Variants in ELP4 observed in about 807,000 individuals in gnomAD.
ELP4 encodes the protein elongator complex protein 4.
ELP4 carries 51 observed loss-of-function variants against 48.9 expected under a neutral mutation model. The ratio of observed to expected loss-of-function variants is 1.04; its 90% CI spans 0.83 to 1.32. The LOEUF (loss-of-function observed/expected upper bound fraction) is 1.32. Among genes scored for constraint, ELP4 ranks in the 40% most tolerant of loss-of-function variants. The probability of loss-of-function intolerance (pLI) is 0.00; values close to 1 mark genes in which losing one functional copy is unlikely to be tolerated. For missense variants in ELP4, 519 were observed against 514.6 expected, an observed-to-expected ratio of 1.01 and a Z score of -0.08; for synonymous variants, 210 against 189.2, an observed-to-expected ratio of 1.11 and a Z score of -0.90.
At chr11:31,749,895 G>A (rs891873526) in intron 9 of ELP4, among the ~76,000 whole-genome samples, 5 of 146,402 alleles carry the variant, frequency 3.4e-5, no homozygotes, top group Non-Finnish European at 5.9e-5. Context: ...TCGCTCTGTC[G>A]CCCAGGCTGG....
intron 9 of ELP4, among the ~76,000 whole-genome samples, chr11:31,737,941 T>G (rs1031250275): frequency 6.6e-6 from 1 of 152,066 alleles, no homozygotes; most frequent in African/African-American, 2.4e-5. Context: ...TTCTGGCTAT[T>G]TATGCAAAAG....
intron 2 of ELP4, among the ~76,000 whole-genome samples, chr11:31,536,316 A>C (rs1342253731): frequency 2.0e-5 from 3 of 151,996 alleles, no homozygotes; most frequent in Admixed American, 6.6e-5. Context: ...GTGTTTGTTT[A>C]ACTTTTTTGG....
At chr11:31,756,519 T>C (rs1340611039) in intron 9 of ELP4, among the ~76,000 whole-genome samples, 1 of 152,208 alleles carries the variant, frequency 6.6e-6, no homozygotes, top group African/African-American at 2.4e-5. Context: ...ACTGGAGCAG[T>C]ACCTTCTCCT....
chr11:31,683,622 A>G (rs1328874919), intron 9 of ELP4, among the ~76,000 whole-genome samples: 2 of 152,196 alleles, frequency 1.3e-5, no homozygotes, highest in African/African-American at 4.8e-5. Context: ...TCTAGATGAA[A>G]TAAAATTATT....
intron 9 of ELP4, among the ~76,000 whole-genome samples, chr11:31,753,155 G>A (rs1461329865): frequency 6.6e-6 from 1 of 152,062 alleles, no homozygotes; most frequent in East Asian, 1.9e-4. Context: ...AATAATAATA[G>A]CTAATGATTA....
chr11:31,684,213 TC>T (rs1946114749), intron 9 of ELP4, among the ~76,000 whole-genome samples: 1 of 150,504 alleles, frequency 6.6e-6, no homozygotes, highest in Non-Finnish European at 1.5e-5. Context: ...AAAAAGATAA[TC>T]TTAAAAAAAA....
chr11:31,632,985 TTA>T (rs1465856674), intron 7 of ELP4: 1 of 152,108 alleles, frequency 6.6e-6, no homozygotes, highest in Non-Finnish European at 1.5e-5. Context: ...TCATATAATC[TTA>T]TATATCTAAT....
chr11:31,608,611 G>A (rs776287256), intron 5 of ELP4, among the ~76,000 whole-genome samples: 22 of 151,790 alleles, frequency 1.4e-4, no homozygotes, highest in Non-Finnish European at 2.6e-4. Flanking sequence ...GTCAGGGGCC[G>A]TACTAGCAGA....
intron 9 of ELP4, among the ~76,000 whole-genome samples, chr11:31,743,559 A>T (rs1947508355): frequency 6.6e-6 from 1 of 152,376 alleles, no homozygotes; most frequent in African/African-American, 2.4e-5. Flanking sequence ...CTCAGACCAC[A>T]GTGCAATAAA....
At chr11:31,749,333 G>C (rs773919779) in intron 9 of ELP4, among the ~76,000 whole-genome samples, 1 of 152,188 alleles carries the variant, frequency 6.6e-6, no homozygotes, top group African/African-American at 2.4e-5. Flanking sequence ...AAAGAGACAC[G>C]TAAAAGTCCC....
intron 5 of ELP4, among the ~76,000 whole-genome samples, chr11:31,626,327 T>C (rs1944743308): frequency 6.6e-6 from 1 of 151,832 alleles, no homozygotes. Context: ...GGCACTTCAA[T>C]GTCTATGGGA....
At chr11:31,740,758 G>A (rs566362223) in intron 9 of ELP4, among the ~76,000 whole-genome samples, 2 of 152,292 alleles carry the variant, frequency 1.3e-5, no homozygotes, top group South Asian at 4.2e-4. Context: ...AAATTTGGGG[G>A]AGGAGCCAAG....
intron 7 of ELP4, among the ~76,000 whole-genome samples, chr11:31,636,132 T>C (rs1270044850): frequency 6.6e-6 from 1 of 151,914 alleles, no homozygotes; most frequent in African/African-American, 2.4e-5. Context: ...TAGGCACCCA[T>C]AGGGATACAG....
intron 1 of ELP4, chr11:31,511,324 A>G (rs761165528): frequency 2.0e-5 from 3 of 152,158 alleles, no homozygotes; most frequent in Admixed American, 6.5e-5. Flanking sequence ...TAGGCCTTAT[A>G]TATTTTTTAA....
intron 9 of ELP4, among the ~76,000 whole-genome samples, chr11:31,725,939 T>G (rs758054700): frequency 6.6e-5 from 10 of 152,220 alleles, no homozygotes; most frequent in Non-Finnish European, 1.5e-4. Context: ...CTTGAGAAAT[T>G]CTTGACACAC....
At chr11:31,519,692 G>A (rs968581231) in intron 1 of ELP4, among the ~76,000 whole-genome samples, 1 of 152,152 alleles carries the variant, frequency 6.6e-6, no homozygotes, top group Non-Finnish European at 1.5e-5. Context: ...AGGCGTGGTA[G>A]TGGGCACCTG....
intron 3 of ELP4, among the ~76,000 whole-genome samples, chr11:31,542,130 T>C (rs1460693771): frequency 6.6e-6 from 1 of 152,162 alleles, no homozygotes; most frequent in Non-Finnish European, 1.5e-5. Flanking sequence ...TTCGAAACAC[T>C]TGGCATCAGA....
intron 3 of ELP4, among the ~76,000 whole-genome samples, chr11:31,576,913 C>G (rs1451219750): frequency 3.9e-5 from 6 of 152,100 alleles, no homozygotes; most frequent in Admixed American, 3.3e-4. Context: ...CATTCAAAAG[C>G]TAGCAGAAGG....
At chr11:31,632,623 G>T (rs1379448354) in intron 7 of ELP4, 10 of 399,802 alleles carry the variant, frequency 2.5e-5, no homozygotes, top group Non-Finnish European at 4.4e-5. Context: ...CTACAACTTG[G>T]TAATAATTTT....
Sources: allele counts gnomAD v4.1 joint callset (sites outside exome capture counted in the v4.1 genomes callset), GRCh38; gene constraint gnomAD v4.1.1; transcripts MANE v1.5; gene names NCBI Gene and HGNC (gene_info 2026-07-23, HGNC 2026-07-21).